The following EPB41L3 variants were observed in gnomAD, a reference collection of about 807,000 sequenced individuals.
The protein encoded by EPB41L3 is erythrocyte membrane protein band 4.1 like 3.
EPB41L3 carries 57 observed loss-of-function variants against 127.1 expected under a neutral mutation model. That is an observed-to-expected ratio of 0.45 (90% CI 0.36 to 0.56). The LOEUF is 0.56. EPB41L3 is among the 20% of genes least tolerant of loss of function. EPB41L3 has a pLI of 0.00. For synonymous variants in EPB41L3, 572 were observed against 549.5 expected, an observed-to-expected ratio of 1.04 and a Z score of -0.57; for missense variants, 1,273 against 1,372.2, an observed-to-expected ratio of 0.93 and a Z score of 1.14.
At chr18:5,623,771 C>T (rs2094891681) in intron 1 of EPB41L3, among the ~76,000 whole-genome samples, 1 of 151,536 alleles carries the variant, frequency 6.6e-6, no homozygotes, top group African/African-American at 2.4e-5. Context: ...CCTCAGCCTC[C>T]CAAGTAACTG....
intron 3 of EPB41L3, among the ~76,000 whole-genome samples, chr18:5,596,486 G>A (rs902430634): frequency 4.6e-5 from 7 of 152,098 alleles, no homozygotes; most frequent in Admixed American, 1.3e-4. Context: ...GATTAGCAGG[G>A]TCTTCTTAAG....
At chr18:5,498,582 G>GA (rs2091414346) in intron 1 of EPB41L3, among the ~76,000 whole-genome samples, 1 of 79,124 alleles carries the variant, frequency 1.3e-5, no homozygotes, top group African/African-American at 5.0e-5. Context: ...TAACAAGAGC[G>GA]AGACTCCATC....
chr18:5,431,556 G>T (rs1598850710), intron 8 of EPB41L3, among the ~76,000 whole-genome samples: 1 of 152,140 alleles, frequency 6.6e-6, no homozygotes, highest in East Asian at 1.9e-4. Flanking sequence ...TGTAGCTATA[G>T]CAATGTTAAG....
chr18:5,398,113 C>A lies in EPB41L3; in HGVS notation c.2380G>T (p.Asp794Tyr). ...AATAAACTGAAGATTTCAGAGCCAT[C>A]CATGAGCTTTTCCCCAGAAGACTGC... is the stretch of plus-strand genomic sequence containing the variant. The part of the protein sequence containing the change: ...TKQSSGEKLM[D>Y]GSEIFSLLES... The change falls in exon 17 of 23, where the codon GAT (aspartate) becomes TAT (tyrosine). Residue 794 changes from aspartate to tyrosine, a missense_variant. Physicochemically the swap from Asp to Tyr is radical, Grantham distance 160. Transcript: ENST00000341928. 1.2e-6 allele frequency: 2 copies of A among 1,614,084 alleles called. No homozygotes were observed.
In EPB41L3 at chr18:5,433,475, A is replaced by C; in HGVS notation, c.906T>G (p.His302Gln). Residue 302 changes from histidine (H) to glutamine (Q), a missense_variant, in exon 8 of 23, where the codon CAT becomes CAG. By Grantham distance (24) the His-to-Gln change is conservative. Around this residue, in one of 3 missense-constraint regions of EPB41L3, gnomAD observed 326 missense variants for 440.2 expected, o/e 0.74. Coordinates refer to ENST00000341928, the MANE Select transcript of EPB41L3 (RefSeq NM_012307.5). ...GGTTTAAAAAGATGCATACCTTAGC[A>C]TGATGTAAATCTACCCCATACATTG... ...KLSMYGVDLHHAKDSEGVEIM... is the reference protein window; with the variant it reads ...KLSMYGVDLHQAKDSEGVEIM... The C allele has an allele frequency of 6.2e-7, 1 of 1,610,822 alleles. No individual in the cohort carries two copies. The highest frequency in any genetic ancestry group is 1.1e-5 in the South Asian group (1 of 90,770).
chr18:5,438,283 T>G (rs367642161), intron 5 of EPB41L3, among the ~76,000 whole-genome samples, 173 bp from the exon 6 acceptor site: 1 of 152,242 alleles, frequency 6.6e-6, no homozygotes, highest in Admixed American at 6.5e-5. Context: ...AAACCTTGTC[T>G]AACTTCTAAT....
chr18:5,548,652 A>G (rs2149126889), upstream of EPB41L3, among the ~76,000 whole-genome samples: 1 of 145,106 alleles, frequency 6.9e-6, no homozygotes, highest in East Asian at 2.0e-4. Flanking sequence ...AATTTTAGAA[A>G]TAAGTCTCAG....
intron 2 of EPB41L3, among the ~76,000 whole-genome samples, chr18:5,488,328 A>G (rs1189301884): frequency 6.6e-6 from 1 of 150,772 alleles, no homozygotes; most frequent in Non-Finnish European, 1.5e-5. Context: ...AAAACCAAAC[A>G]CCGCATGTTC....
intron 3 of EPB41L3, among the ~76,000 whole-genome samples, chr18:5,571,515 G>A (rs2094280320): frequency 6.6e-6 from 1 of 152,144 alleles, no homozygotes. Flanking sequence ...AGGCTTTCAT[G>A]GCATTTCATT....
upstream of EPB41L3, among the ~76,000 whole-genome samples, chr18:5,629,938 C>A (rs1352231756): frequency 1.3e-5 from 2 of 152,116 alleles, no homozygotes; most frequent in Non-Finnish European, 2.9e-5. Context: ...CAAGAGGGGG[C>A]GGAGGAGGAG....
At chr18:5,600,170 G>T (rs1284317906) in intron 3 of EPB41L3, among the ~76,000 whole-genome samples, 2 of 151,946 alleles carry the variant, frequency 1.3e-5, no homozygotes, top group Non-Finnish European at 2.9e-5. Context: ...CAAAAAGAAA[G>T]AAAAAAATTT....
intron 3 of EPB41L3, among the ~76,000 whole-genome samples, chr18:5,585,719 G>A (rs952390277): frequency 6.6e-6 from 1 of 152,186 alleles, no homozygotes; most frequent in African/African-American, 2.4e-5. Context: ...GAGTTAGGGG[G>A]ATGGTCCACT....
chr18:5,397,951 G>A lies in EPB41L3; in HGVS notation c.2472+70C>T, dbSNP rs1008961589. ...CAGCTGGATGCAACCACACACTCAC[G>A]CCCAAAAAAAGGGTAAGGAAAGGCA... is the stretch of plus-strand genomic sequence containing the variant. On this transcript the variant is annotated intron_variant, in intron 17 of 22. Transcript: ENST00000341928. This position sits in a 1 kb window ranked among gnomAD's most constrained non-coding sequence, Gnocchi z 4.1. 1.8e-5 allele frequency: 28 copies of A among 1,598,072 alleles called. No homozygotes were observed. The East Asian group carries it at 2.0e-4, about 11-fold the overall frequency.
intron 1 of EPB41L3, among the ~76,000 whole-genome samples, chr18:5,513,315 C>T (rs1465087412): frequency 1.3e-5 from 2 of 152,036 alleles, no homozygotes; most frequent in African/African-American, 4.8e-5. Flanking sequence ...CTGGAGAGGA[C>T]CACAAATCTA....
intron 3 of EPB41L3, among the ~76,000 whole-genome samples, chr18:5,586,843 C>CTG: frequency 6.6e-6 from 1 of 152,248 alleles, no homozygotes; most frequent in South Asian, 2.1e-4. Context: ...AACACATTTA[C>CTG]AGGCAGGTGT....
At chr18:5,558,937 T>C (rs756313516) in intron 3 of EPB41L3, among the ~76,000 whole-genome samples, 20 of 152,216 alleles carry the variant, frequency 1.3e-4, no homozygotes, top group Non-Finnish European at 2.8e-4. Context: ...CTACATCAAG[T>C]ATGAGTTTTT....
intron 12 of EPB41L3, among the ~76,000 whole-genome samples, chr18:5,419,352 G>A (rs2077195854): frequency 1.3e-5 from 2 of 152,298 alleles, no homozygotes; most frequent in Non-Finnish European, 2.9e-5. Context: ...ACTTGGGTAG[G>A]AGAATGGGGC....
chr18:5,448,536 T>C lies in EPB41L3; in HGVS notation c.382-3292A>G, dbSNP rs118041043. Among the ~76,000 whole-genome samples, 41 of 152,326 alleles carry C rather than the reference T, an allele frequency of 2.7e-4. 1 individual carries two copies. The East Asian group carries it at 7.3e-3, about 27-fold the overall frequency. On this transcript the variant is annotated intron_variant, in intron 3 of 22. Transcript: ENST00000341928. ...GTTTATTATGGTTCCAAAAGACATGTTGTTCTTTAAGTGATCAAATCATTG... is the reference window on the plus strand; with the variant it reads ...GTTTATTATGGTTCCAAAAGACATGCTGTTCTTTAAGTGATCAAATCATTG...
chr18:5,590,573 C>CAA lies in EPB41L3; in HGVS notation c.-306+21766_-306+21767insTT, dbSNP rs1411899314. Among the ~76,000 whole-genome samples the CAA allele has an allele frequency of 2.0e-5, 3 of 151,936 alleles. No individual in the cohort carries two copies. The East Asian group carries it at 5.8e-4, about 29-fold the overall frequency. ...GAGAAGTGAACACTATGTTCACACA[C>CAA]ACACACACACACAAACACACATGTT... On this transcript the variant is annotated intron_variant, in intron 3 of 21. Coordinates refer to the EPB41L3 transcript ENST00000545076.
Sources: allele counts gnomAD v4.1 joint callset (sites outside exome capture counted in the v4.1 genomes callset), GRCh38; gene constraint gnomAD v4.1.1; regional missense constraint gnomAD v4.1.1; non-coding constraint Gnocchi (gnomAD v3.1); transcripts MANE v1.5; gene names NCBI Gene and HGNC (gene_info 2026-07-23, HGNC 2026-07-21).